The following EPC2 variants were observed in gnomAD, a reference collection of about 807,000 sequenced individuals.
EPC2 encodes the protein enhancer of polycomb 2.
EPC2 carries 14 observed loss-of-function variants against 92.1 expected under a neutral mutation model. The ratio of observed to expected loss-of-function variants is 0.15; its 90% CI spans 0.10 to 0.24. EPC2 has a LOEUF of 0.24. Ranked by LOEUF, EPC2 falls within the 10% of genes least tolerant of loss-of-function variation. The pLI is 1.00. For synonymous variants in EPC2, 340 were observed against 334.7 expected (o/e 1.02, Z -0.17); for missense variants, 755 against 971.5 (o/e 0.78, Z 2.96).
At chr2:148,711,680 T>A (rs1183982715) in intron 2 of EPC2, among the ~76,000 whole-genome samples, 1 of 152,218 alleles carries the variant, frequency 6.6e-6, no homozygotes, top group Non-Finnish European at 1.5e-5. Context: ...GATAGAAGGC[T>A]ATTAAAATTT....
chr2:148,764,016 A>G (rs748783107), intron 6 of EPC2, among the ~76,000 whole-genome samples: 14 of 152,076 alleles, frequency 9.2e-5, no homozygotes, highest in Non-Finnish European at 1.9e-4. Context: ...GGTTAATTAT[A>G]TTTACTTTGT....
At chr2:148,656,730 C>T (rs1680810161) in intron 1 of EPC2, among the ~76,000 whole-genome samples, 1 of 152,182 alleles carries the variant, frequency 6.6e-6, no homozygotes, top group Non-Finnish European at 1.5e-5. Flanking sequence ...CTTCTATGTG[C>T]TTTAGACGCA....
intron 1 of EPC2, among the ~76,000 whole-genome samples, chr2:148,651,752 T>G (rs1225602755): frequency 2.0e-5 from 3 of 152,206 alleles, no homozygotes; most frequent in African/African-American, 7.2e-5. Context: ...TGTGTGTTGT[T>G]GAGTGTTTGA....
intron 1 of EPC2, among the ~76,000 whole-genome samples, chr2:148,649,454 T>A (rs1488143938): frequency 6.6e-6 from 1 of 152,248 alleles, no homozygotes; most frequent in Non-Finnish European, 1.5e-5. Flanking sequence ...CTTTTTTATG[T>A]CTAGCTTCCT....
rs555532883 is a variant in EPC2, at chr2:148,746,917, A to G, written c.459+3150A>G. On this transcript the variant is annotated intron_variant, in intron 3 of 13. Coordinates refer to ENST00000258484, the MANE Select transcript of EPC2 (RefSeq NM_015630.4). ...TGAGTCTTGGTGTAAATGGATATAC[A>G]GTGTTCTTTGAAATGTTTTATTCTT... Among the ~76,000 whole-genome samples the G allele has an allele frequency of 3.9e-5, 6 of 152,258 alleles. No individual in the cohort carries two copies. In the South Asian group the frequency reaches 1.0e-3, roughly 26 times the overall value.
At chr2:148,750,972 T>C (rs1160395529) in intron 3 of EPC2, among the ~76,000 whole-genome samples, 4 of 152,116 alleles carry the variant, frequency 2.6e-5, no homozygotes, top group East Asian at 3.9e-4. Flanking sequence ...CTGTATCTTA[T>C]TACAGTAATG....
intron 8 of EPC2, among the ~76,000 whole-genome samples, chr2:148,769,490 A>G (rs1250883646): frequency 1.3e-5 from 2 of 152,210 alleles, no homozygotes; most frequent in Non-Finnish European, 2.9e-5. Flanking sequence ...CTCTAATTAT[A>G]GCTTCAGCAG....
At chr2:148,715,644 A>C (rs2105387241) in intron 2 of EPC2, among the ~76,000 whole-genome samples, 1 of 152,322 alleles carries the variant, frequency 6.6e-6, no homozygotes, top group African/African-American at 2.4e-5. Context: ...GCATAGTTGA[A>C]GTCAGGTAGT....
At chr2:148,749,255 GTTTCCC>G (rs1370628570) in intron 3 of EPC2, among the ~76,000 whole-genome samples, 1 of 152,116 alleles carries the variant, frequency 6.6e-6, no homozygotes, top group South Asian at 2.1e-4. Flanking sequence ...AGCAGCAGTG[GTTTCCC>G]TACTGGATCA....
At chr2:148,695,802 T>G (rs554107586) in intron 2 of EPC2, among the ~76,000 whole-genome samples, 1 of 152,340 alleles carries the variant, frequency 6.6e-6, no homozygotes, top group African/African-American at 2.4e-5. Flanking sequence ...AAATTGGACA[T>G]AAATTCTGTG....
At chr2:148,730,286 G>T (rs1682590304) in intron 2 of EPC2, among the ~76,000 whole-genome samples, 1 of 152,150 alleles carries the variant, frequency 6.6e-6, no homozygotes, top group African/African-American at 2.4e-5. Flanking sequence ...TCCAAGCAAA[G>T]GAGATTATGG....
At chr2:148,657,383 C>G (rs1680825283) in intron 1 of EPC2, among the ~76,000 whole-genome samples, 1 of 152,018 alleles carries the variant, frequency 6.6e-6, no homozygotes, top group South Asian at 2.1e-4. Flanking sequence ...TTCAAAATAC[C>G]TCCCACAAAA....
intron 3 of EPC2, among the ~76,000 whole-genome samples, chr2:148,747,983 A>G (rs1683016681): frequency 1.3e-5 from 2 of 152,054 alleles, no homozygotes; most frequent in African/African-American, 4.8e-5. Context: ...CTGCTCAAAT[A>G]TCATGTGGAA....
intron 1 of EPC2, among the ~76,000 whole-genome samples, chr2:148,666,104 G>T (rs983329991): frequency 2.0e-5 from 3 of 152,128 alleles, no homozygotes; most frequent in Non-Finnish European, 2.9e-5. Context: ...TTTTCAAATT[G>T]TCTGTGGTGA....
intron 2 of EPC2, among the ~76,000 whole-genome samples, chr2:148,701,535 T>C (rs1225388248): frequency 6.6e-6 from 1 of 152,224 alleles, no homozygotes; most frequent in African/African-American, 2.4e-5. Flanking sequence ...TCTTCTTTAG[T>C]CGATGAAGTG....
At position 148,687,942 on chromosome 2, in the gene EPC2, CTACT is replaced by C. The variant is rs1681562989; in HGVS notation, c.154-2271_154-2268del. 2.0e-5 allele frequency among the ~76,000 whole-genome samples: 3 copies of C among 152,148 alleles called. No individual in the cohort carries two copies. The South Asian group carries it at 6.2e-4, about 31-fold the overall frequency. On this transcript the variant is annotated intron_variant, in intron 1 of 13. Transcript: ENST00000258484. ...AAGTACTAGTTATAATCAAACTAATCTACTGTGTATTTTGCATAGAATGGACCTT... is the reference window on the plus strand; with the variant it reads ...AAGTACTAGTTATAATCAAACTAATCGTGTATTTTGCATAGAATGGACCTT...
intron 1 of EPC2, among the ~76,000 whole-genome samples, chr2:148,682,571 T>G (rs902587945): frequency 1.3e-5 from 2 of 152,212 alleles, no homozygotes; most frequent in Non-Finnish European, 2.9e-5. Context: ...GAGTTTTTTT[T>G]GGGAGGAAAG....
At chr2:148,775,636 A>C (rs1683617516) in intron 10 of EPC2, among the ~76,000 whole-genome samples, 1 of 7,054 alleles carries the variant, frequency 1.4e-4, no homozygotes, top group South Asian at 0.012. Context: ...AAATATCTTT[A>C]ATTAAATAAA....
chr2:148,721,988 C>T (rs1574604685), intron 2 of EPC2, among the ~76,000 whole-genome samples: 1 of 112,326 alleles, frequency 8.9e-6, no homozygotes, highest in South Asian at 3.1e-4. Context: ...TTATAGTTTT[C>T]TGAAATTCCT....
Sources: allele counts gnomAD v4.1 joint callset (sites outside exome capture counted in the v4.1 genomes callset), GRCh38; gene constraint gnomAD v4.1.1; transcripts MANE v1.5; gene names NCBI Gene and HGNC (gene_info 2026-07-23, HGNC 2026-07-21).